The following ADK variants were observed in gnomAD, a reference collection of about 807,000 sequenced individuals.
ADK encodes the protein adenosine kinase, also known as N6,N6-dimethyladenosine kinase.
Under a neutral mutation model 44.7 loss-of-function variants are expected in ADK, and 24 were observed. The ratio of observed to expected loss-of-function variants is 0.54; its 90% CI spans 0.39 to 0.76. ADK has a LOEUF of 0.76. Ranked by LOEUF, ADK falls within the 30% of genes least tolerant of loss-of-function variation. The pLI, the probability that ADK is intolerant of heterozygous loss-of-function variation, is 0.00. For synonymous variants in ADK, 128 were observed against 142.6 expected, an observed-to-expected ratio of 0.90 and a Z score of 0.73; for missense variants, 321 against 425.1, an observed-to-expected ratio of 0.76 and a Z score of 2.15.
intron 7 of ADK, among the ~76,000 whole-genome samples, chr10:74,547,369 A>T (rs1362338220): frequency 6.6e-6 from 1 of 150,788 alleles, no homozygotes; most frequent in South Asian, 2.1e-4. Context: ...AGTGTTGTCA[A>T]CTGTTCTGTG....
intron 1 of ADK, among the ~76,000 whole-genome samples, chr10:74,195,430 G>A (rs1376069206): frequency 6.6e-6 from 1 of 151,408 alleles, no homozygotes; most frequent in Non-Finnish European, 1.5e-5. Context: ...GAAAATAATT[G>A]TATCTTTTTT....
rs144329073 is a variant in ADK, at chr10:74,538,327, A to G, written c.726+12901A>G. ...TTGCTGGCAGTGTTCCTGCATTGCA[A>G]ATTTTCTTATAGGAAAGCCATTTTG... On this transcript the variant is annotated intron_variant, in intron 7 of 10. Coordinates refer to ENST00000539909, the MANE Select transcript of ADK (RefSeq NM_006721.4). Among the ~76,000 whole-genome samples the G allele has an allele frequency of 3.7e-4, 56 of 152,312 alleles. No individual in the cohort carries two copies. The East Asian group carries it at 9.0e-3, about 25-fold the overall frequency.
intron 3 of ADK, among the ~76,000 whole-genome samples, chr10:74,228,782 A>G (rs1007854015): frequency 6.6e-6 from 1 of 152,206 alleles, no homozygotes; most frequent in African/African-American, 2.4e-5. Context: ...AGATTTAGGT[A>G]AGGAAAGTTA....
At chr10:74,547,440 ATATATATTTATTTATT>A (rs1445697476) in intron 7 of ADK, among the ~76,000 whole-genome samples, 4 of 135,812 alleles carry the variant, frequency 2.9e-5, no homozygotes, top group East Asian at 2.0e-4. Context: ...TTATATATAT[ATATATATTTATTTATT>A]TATTTATTTA....
At chr10:74,630,285 T>G (rs1274499030) in intron 9 of ADK, among the ~76,000 whole-genome samples, 5 of 151,680 alleles carry the variant, frequency 3.3e-5, no homozygotes, top group Non-Finnish European at 5.9e-5. Flanking sequence ...ATACTATTAT[T>G]GAAGCTACAG....
chr10:74,601,649 G>C (rs1015875503), intron 9 of ADK, among the ~76,000 whole-genome samples: 6 of 151,822 alleles, frequency 4.0e-5, no homozygotes, highest in Non-Finnish European at 8.8e-5. Context: ...TCCACTTGTG[G>C]ATATGTTTTA....
At chr10:74,468,434 A>G (rs915431646) in intron 6 of ADK, among the ~76,000 whole-genome samples, 5 of 152,162 alleles carry the variant, frequency 3.3e-5, no homozygotes, top group African/African-American at 1.2e-4. Flanking sequence ...ATAATTGTTA[A>G]TGGCATGATT....
At chr10:74,516,877 G>T (rs1343733581) in intron 6 of ADK, 2 of 166,404 alleles carry the variant, frequency 1.2e-5, no homozygotes, top group African/African-American at 4.8e-5. Flanking sequence ...CTGTTTTCAT[G>T]CTGCTGATAA....
intron 8 of ADK, among the ~76,000 whole-genome samples, chr10:74,599,407 TTC>T (rs1852039783): frequency 6.6e-6 from 1 of 152,198 alleles, no homozygotes; most frequent in East Asian, 1.9e-4. Context: ...TGCCTAAATG[TTC>T]TCTCTCATAT....
At chr10:74,304,093 G>A (rs1840170278) in intron 3 of ADK, among the ~76,000 whole-genome samples, 1 of 152,076 alleles carries the variant, frequency 6.6e-6, no homozygotes, top group African/African-American at 2.4e-5. Flanking sequence ...TTGTATAGCT[G>A]TAACATTTGG....
rs1334914418 is a variant in ADK, at chr10:74,459,017, T to A, written c.555+60438T>A. 2.6e-5 allele frequency among the ~76,000 whole-genome samples: 4 copies of A among 152,172 alleles called. No homozygotes were observed. In the East Asian group the frequency reaches 7.7e-4, roughly 29 times the overall value. ...AATTTTGGCCAGGCACGGTGACTTATGCCTATAATCCCAGCACTTTGGAGG... is the reference window on the plus strand; with the variant it reads ...AATTTTGGCCAGGCACGGTGACTTAAGCCTATAATCCCAGCACTTTGGAGG... On this transcript the variant is annotated intron_variant, in intron 6 of 10. Coordinates refer to ENST00000539909, the MANE Select transcript of ADK (RefSeq NM_006721.4).
intron 10 of ADK, among the ~76,000 whole-genome samples, chr10:74,674,409 G>A (rs1189613140): frequency 2.0e-5 from 3 of 152,160 alleles, no homozygotes; most frequent in East Asian, 1.9e-4. Flanking sequence ...CAAGGCAGGC[G>A]GATCACTTGA....
intron 2 of ADK, among the ~76,000 whole-genome samples, chr10:74,214,157 C>G (rs1843931650): frequency 6.6e-6 from 1 of 152,066 alleles, no homozygotes; most frequent in Non-Finnish European, 1.5e-5. Context: ...CTTTTTTATT[C>G]TAACCCTGTG....
At chr10:74,165,297 G>A (rs576956373) in intron 1 of ADK, among the ~76,000 whole-genome samples, 1 of 152,054 alleles carries the variant, frequency 6.6e-6, no homozygotes, top group Non-Finnish European at 1.5e-5. Context: ...CTAATATTTG[G>A]GTTGTACAGT....
chr10:74,649,760 G>A (rs956464032), intron 9 of ADK, among the ~76,000 whole-genome samples: 8 of 152,060 alleles, frequency 5.3e-5, no homozygotes, highest in Non-Finnish European at 1.2e-4. Context: ...AGAAGGAAGA[G>A]CTATCTGATG....
chr10:74,439,915 G>A (rs1845337520), intron 6 of ADK, among the ~76,000 whole-genome samples: 1 of 151,800 alleles, frequency 6.6e-6, no homozygotes, highest in Non-Finnish European at 1.5e-5. Flanking sequence ...AGAAGCCCCT[G>A]TTATTAGGTT....
intron 9 of ADK, among the ~76,000 whole-genome samples, chr10:74,619,428 C>T (rs1193991323): frequency 2.0e-5 from 3 of 151,170 alleles, no homozygotes; most frequent in African/African-American, 7.3e-5. Context: ...GCACACGAGC[C>T]TGGGAGACAG....
In ADK at chr10:74,525,350, C is replaced by T. The variant is rs764982384; in HGVS notation, c.650C>T (p.Pro217Leu). 9 of 1,613,380 alleles carry T rather than the reference C, an allele frequency of 5.6e-6. No individual in the cohort carries two copies. Among genetic ancestry groups the T allele is most frequent in the African/African-American group, 1.3e-5 (1 of 74,836 alleles). The change falls in exon 7 of 11, where the codon CCG becomes CTG. Residue 217 changes from proline (P) to leucine (L), a missense_variant. By Grantham distance (98) the Pro-to-Leu change is moderately conservative (BLOSUM62 -3). Transcript: ENST00000539909. ...NRIFTLNLSA[P>L]FISQFYKESL... is the part of the protein sequence containing the mutation. The stretch of plus-strand genomic sequence containing the variant: ...ATTTTCACTTTGAATCTATCTGCAC[C>T]GTTTATTAGCCAGTTCTACAAGGAA...
At chr10:74,280,649 A>G (rs922312878) in intron 3 of ADK, among the ~76,000 whole-genome samples, 1 of 152,154 alleles carries the variant, frequency 6.6e-6, no homozygotes, top group Non-Finnish European at 1.5e-5. Context: ...TTTTGGGGCT[A>G]TGGCAGTGTA....
Sources: gnomAD v4.1 joint callset for allele counts (sites outside exome capture counted in the v4.1 genomes callset) on GRCh38, gnomAD v4.1.1 for gene constraint, MANE v1.5 for transcripts, NCBI Gene and HGNC (gene_info 2026-07-23, HGNC 2026-07-21) for gene names.